The following DPP6 variants were observed in gnomAD, a reference collection of about 807,000 sequenced individuals.
The protein encoded by DPP6 is dipeptidyl peptidase like 6.
In DPP6, 69 loss-of-function variants were observed where a neutral mutation model predicts 122.6. The ratio of observed to expected loss-of-function variants is 0.56; its 90% CI spans 0.46 to 0.69. DPP6 has a LOEUF of 0.69. Ranked by LOEUF, DPP6 falls within the 30% of genes least tolerant of loss-of-function variation. DPP6 has a pLI of 0.00. For missense variants in DPP6, 928 were observed against 1,116.9 expected, an observed-to-expected ratio of 0.83 and a Z score of 2.41; for synonymous variants, 418 against 433.1, an observed-to-expected ratio of 0.97 and a Z score of 0.43.
Position 154,052,683 on chromosome 7 carries a change from T to G in DPP6, c.-138T>G. The G allele has an allele frequency of 8.2e-7, 1 of 1,215,992 alleles. No individual in the cohort carries two copies. Among genetic ancestry groups the G allele is most frequent in the Non-Finnish European group, 1.0e-6 (1 of 968,628 alleles). The allele number at this position is 1,215,992 out of a possible 1,614,324, so 75.3% of individuals were successfully genotyped here. ...GAGGAGCGGCCGCCGGCGCTGGGCTTGCCTTGCTGCTGCTGCTGCTGCTGC... is the reference window on the plus strand; with the variant it reads ...GAGGAGCGGCCGCCGGCGCTGGGCTGGCCTTGCTGCTGCTGCTGCTGCTGC... On this transcript the variant is annotated 5_prime_UTR_variant, in exon 1 of 26. Transcript: ENST00000377770. The surrounding 1 kb of genome is among the most constrained non-coding windows in gnomAD (Gnocchi z 4.8).
intron 16 of DPP6, 122 bp downstream of exon 16, chr7:154,807,234 G>A: frequency 7.2e-7 from 1 of 1,391,446 alleles, no homozygotes; most frequent in South Asian, 1.4e-5. Context: ...TTCCAGAACA[G>A]GTGAGGATCC....
chr7:154,441,226 A>T (rs899844827), intron 1 of DPP6, among the ~76,000 whole-genome samples: 2 of 152,182 alleles, frequency 1.3e-5, no homozygotes, highest in Non-Finnish European at 2.9e-5. Context: ...AAGTTGGAGG[A>T]TCACAAGTGG....
intron 1 of DPP6, among the ~76,000 whole-genome samples, chr7:154,377,965 C>G (rs567640607): frequency 6.6e-6 from 1 of 152,318 alleles, no homozygotes; most frequent in South Asian, 2.1e-4. Context: ...CAAAGGGGAG[C>G]CTTGTCTTCA....
rs533707072 is a variant in DPP6 at position 154,331,756 on chromosome 7, G to A, written c.244-114458G>A. ...CACACAGCAGGTGTGGCCAAATATA[G>A]AGATCTCGTGAAAAACTAATAGCCT... On this transcript the variant is annotated intron_variant, in intron 1 of 25. Coordinates refer to ENST00000377770, the MANE Select transcript of DPP6 (RefSeq NM_130797.4). 1.0e-3 allele frequency among the ~76,000 whole-genome samples: 153 copies of A among 152,276 alleles called. 1 individual carries two copies. The highest frequency in any genetic ancestry group is 3.6e-3 in the African/African-American group (148 of 41,566).
chr7:154,831,022 C>T (rs1187361126), intron 16 of DPP6, among the ~76,000 whole-genome samples: 1 of 152,226 alleles, frequency 6.6e-6, no homozygotes, highest in Admixed American at 6.5e-5. Context: ...TTGCCTCTCA[C>T]CGTCCACGCC....
At chr7:153,799,918 G>T in the DPP6 span, among the ~76,000 whole-genome samples, 1 of 152,158 alleles carries the variant, frequency 6.6e-6, no homozygotes, top group African/African-American at 2.4e-5. Flanking sequence ...ACAAAAAATA[G>T]CATATCTGGC....
intron 1 of DPP6, among the ~76,000 whole-genome samples, chr7:154,060,538 A>G (rs1801633662): frequency 7.5e-6 from 1 of 133,142 alleles, no homozygotes; most frequent in South Asian, 2.5e-4. Context: ...TAGGTGTCCA[A>G]GTAGAAAGTT....
intron 1 of DPP6, among the ~76,000 whole-genome samples, chr7:153,933,673 A>G (rs1801282104): frequency 8.7e-6 from 1 of 114,682 alleles, no homozygotes; most frequent in Non-Finnish European, 1.8e-5. Flanking sequence ...TGCCCTTCAC[A>G]TTGCCACATT....
intron 7 of DPP6, among the ~76,000 whole-genome samples, chr7:154,672,183 T>TGCCCTGTGAAGAGGTGCCTTCTGCC (rs1441925949): frequency 6.6e-6 from 1 of 152,200 alleles, no homozygotes; most frequent in Admixed American, 6.5e-5. Context: ...TGTCTTCTGC[T>TGCCCTGTGAAGAGGTGCCTTCTGCC]GCCCTGTGAA....
chr7:154,179,827 A>G (rs113387793), intron 1 of DPP6, among the ~76,000 whole-genome samples: 5 of 152,268 alleles, frequency 3.3e-5, no homozygotes, highest in African/African-American at 1.2e-4. Flanking sequence ...ACTTTCCACC[A>G]TTGTAGTAAG....
chr7:154,193,771 C>G (rs1171699835), intron 1 of DPP6, among the ~76,000 whole-genome samples: 2 of 151,958 alleles, frequency 1.3e-5, no homozygotes, highest in African/African-American at 4.8e-5. Context: ...GTAGCATTAT[C>G]AAGTTCAAGC....
At chr7:154,693,134 A>T (rs556515203) in intron 7 of DPP6, among the ~76,000 whole-genome samples, 1 of 151,370 alleles carries the variant, frequency 6.6e-6, no homozygotes, top group African/African-American at 2.4e-5. Context: ...ACTTGACCAG[A>T]GGTCTTTTTA....
At chr7:154,400,170 C>A (rs1815445078) in intron 1 of DPP6, among the ~76,000 whole-genome samples, 1 of 152,172 alleles carries the variant, frequency 6.6e-6, no homozygotes, top group South Asian at 2.1e-4. Context: ...GGTCTGCATG[C>A]CCTGGAGAAG....
rs559647441 is a variant in DPP6 at position 154,364,368 on chromosome 7, C to T, written c.244-81846C>T. On this transcript the variant is annotated intron_variant, in intron 1 of 25. Coordinates refer to ENST00000377770, the MANE Select transcript of DPP6 (RefSeq NM_130797.4). ...GCTACAGGCCCACACACACTTATGC[C>T]GCACTGGAGAAACCGACCTGCCAGC... is the stretch of plus-strand genomic sequence containing the variant. Among the ~76,000 whole-genome samples the T allele has an allele frequency of 3.3e-5, 5 of 152,294 alleles. No individual in the cohort carries two copies. The East Asian group carries it at 5.8e-4, about 18-fold the overall frequency.
chr7:154,090,770 C>A (rs1464812524), intron 1 of DPP6, among the ~76,000 whole-genome samples: 5 of 149,884 alleles, frequency 3.3e-5, no homozygotes, highest in African/African-American at 1.2e-4. Flanking sequence ...AATTACTGTC[C>A]TTAAGCTTTT....
intron 22 of DPP6, among the ~76,000 whole-genome samples, 156 bp from the exon 23 acceptor site, chr7:154,887,520 T>G (rs1806253417): frequency 6.6e-6 from 1 of 152,062 alleles, no homozygotes; most frequent in African/African-American, 2.4e-5. Flanking sequence ...TTAGGTGGTG[T>G]TTTTAAAAAA....
chr7:154,391,399 T>C (rs6973301), intron 1 of DPP6, among the ~76,000 whole-genome samples: 140,037 of 152,230 alleles, frequency 0.92, 64,676 homozygotes, highest in East Asian at 1. Flanking sequence ...AAATTTATGT[T>C]GGTAGTTTTA....
At chr7:153,889,940 T>C (rs1342198951) in intron 1 of DPP6, among the ~76,000 whole-genome samples, 1 of 152,250 alleles carries the variant, frequency 6.6e-6, no homozygotes, top group Non-Finnish European at 1.5e-5. Context: ...GAAATCCACG[T>C]GGCTTCAGTT....
At chr7:154,394,559 T>G (rs1017605082) in intron 1 of DPP6, among the ~76,000 whole-genome samples, 1 of 152,168 alleles carries the variant, frequency 6.6e-6, no homozygotes, top group African/African-American at 2.4e-5. Flanking sequence ...CTATTAATAT[T>G]GTCTTTTATG....
Sources: gnomAD v4.1 joint callset for allele counts (sites outside exome capture counted in the v4.1 genomes callset) on GRCh38, gnomAD v4.1.1 for gene constraint, Gnocchi (gnomAD v3.1) non-coding constraint, MANE v1.5 for transcripts, NCBI Gene and HGNC (gene_info 2026-07-23, HGNC 2026-07-21) for gene names.